Variants in RIT2 observed in about 807,000 individuals in gnomAD.
RIT2 encodes the protein GTP-binding protein Rit2.
In RIT2, 24 loss-of-function variants were observed where a neutral mutation model predicts 23.7. The ratio of observed to expected loss-of-function variants is 1.01; its 90% CI spans 0.73 to 1.43. The LOEUF (loss-of-function observed/expected upper bound fraction) is 1.43. Among genes scored for constraint, RIT2 ranks in the 40% most tolerant of loss-of-function variants. RIT2 has a pLI of 0.00. For synonymous variants in RIT2, 107 were observed against 91.1 expected, an observed-to-expected ratio of 1.17 and a Z score of -0.99; for missense variants, 236 against 266.9, an observed-to-expected ratio of 0.88 and a Z score of 0.81.
chr18:42,816,298 T>C (rs1166621685), intron 4 of RIT2, among the ~76,000 whole-genome samples: 5 of 152,154 alleles, frequency 3.3e-5, no homozygotes, highest in Admixed American at 2.6e-4. Context: ...CAGAAGCCAG[T>C]GGGAGCCAAC....
chr18:43,097,309 T>C (rs1913577046), intron 1 of RIT2, among the ~76,000 whole-genome samples: 2 of 151,894 alleles, frequency 1.3e-5, no homozygotes, highest in Non-Finnish European at 1.5e-5. Flanking sequence ...CATATAAAAC[T>C]TAACTTATAG....
chr18:43,061,766 C>T (rs557917106), intron 1 of RIT2, among the ~76,000 whole-genome samples: 2 of 152,224 alleles, frequency 1.3e-5, no homozygotes, highest in Admixed American at 1.3e-4. Context: ...TTCCCTCTCC[C>T]TGCTGAGAGC....
chr18:42,928,371 T>C (rs1332363286), intron 3 of RIT2, among the ~76,000 whole-genome samples: 1 of 152,060 alleles, frequency 6.6e-6, no homozygotes, highest in Non-Finnish European at 1.5e-5. Context: ...GGGAAAAGGA[T>C]GTGATGTTCT....
At chr18:42,748,507 C>T (rs1912971781) in intron 4 of RIT2, among the ~76,000 whole-genome samples, 1 of 151,850 alleles carries the variant, frequency 6.6e-6, no homozygotes, top group Admixed American at 6.6e-5. Flanking sequence ...TAAACTAGTA[C>T]AAACACTATG....
intron 4 of RIT2, among the ~76,000 whole-genome samples, chr18:42,774,592 T>C (rs1048370995): frequency 6.6e-6 from 1 of 151,734 alleles, no homozygotes; most frequent in African/African-American, 2.4e-5. Flanking sequence ...ATATTTTTTT[T>C]GAACATTATC....
intron 4 of RIT2, among the ~76,000 whole-genome samples, chr18:42,851,829 ACT>A (rs1854699648): frequency 6.6e-6 from 1 of 151,910 alleles, no homozygotes. Context: ...ACAGACCAAG[ACT>A]CTGTCTCATA....
intron 4 of RIT2, among the ~76,000 whole-genome samples, chr18:42,820,667 C>T (rs1598667755): frequency 6.6e-6 from 1 of 152,172 alleles, no homozygotes; most frequent in African/African-American, 2.4e-5. Flanking sequence ...GACTTCTTGC[C>T]AGATTCTGCT....
At chr18:42,828,321 T>C (rs1906361715) in intron 4 of RIT2, among the ~76,000 whole-genome samples, 1 of 152,210 alleles carries the variant, frequency 6.6e-6, no homozygotes, top group Non-Finnish European at 1.5e-5. Flanking sequence ...AACCTCATAG[T>C]TGAGTAACAA....
intron 3 of RIT2, among the ~76,000 whole-genome samples, chr18:42,939,686 A>G (rs553486373): frequency 6.6e-6 from 1 of 152,280 alleles, no homozygotes; most frequent in South Asian, 2.1e-4. Flanking sequence ...CAAAGAAAAA[A>G]AAATGCTACT....
chr18:43,056,355 C>CA (rs912491032), intron 1 of RIT2, among the ~76,000 whole-genome samples: 91 of 151,524 alleles, frequency 6.0e-4, no homozygotes, highest in Middle Eastern at 3.4e-3. Context: ...CACACTGAAT[C>CA]AAAAAAAACG....
At chr18:42,934,640 G>T (rs1251219455) in intron 3 of RIT2, among the ~76,000 whole-genome samples, 1 of 152,122 alleles carries the variant, frequency 6.6e-6, no homozygotes, top group Admixed American at 6.5e-5. Context: ...ATACAGCATG[G>T]ATATTAACAT....
rs115977089 is a variant in RIT2, at chr18:43,019,717, C to A, written c.160+14094G>T. On this transcript the variant is annotated intron_variant, in intron 2 of 4. Transcript: ENST00000326695. ...TCAGGCAAGAGAACAATATGAAAGA[C>A]AACAAATTGAAAATCAGTAAGTCGA... 4.3e-3 allele frequency among the ~76,000 whole-genome samples: 661 copies of A among 151,986 alleles called. 4 individuals are homozygous for A. Among genetic ancestry groups the A allele is most frequent in the African/African-American group, 0.014 (573 of 41,476 alleles).
At chr18:42,930,921 G>T (rs1330964560) in intron 3 of RIT2, among the ~76,000 whole-genome samples, 2 of 152,082 alleles carry the variant, frequency 1.3e-5, no homozygotes, top group Non-Finnish European at 2.9e-5. Context: ...TCCGTTTGAA[G>T]TATTTTATCT....
rs138777892 is a variant in RIT2, at chr18:43,017,783, G to A, written c.160+16028C>T. ...AGTTCAGTAAATCATATGTAGAAAT[G>A]TAGTTATCTTCCCAGCATCACACAG... is the stretch of plus-strand genomic sequence containing the variant. On this transcript the variant is annotated intron_variant, in intron 2 of 4. Coordinates refer to ENST00000326695, the MANE Select transcript of RIT2 (RefSeq NM_002930.4). 8.5e-5 allele frequency among the ~76,000 whole-genome samples: 13 copies of A among 152,118 alleles called. No homozygotes were observed. The East Asian group carries it at 2.5e-3, about 30-fold the overall frequency.
At chr18:42,773,347 C>A (rs753717261) in intron 4 of RIT2, among the ~76,000 whole-genome samples, 2 of 152,012 alleles carry the variant, frequency 1.3e-5, no homozygotes, top group Non-Finnish European at 2.9e-5. Flanking sequence ...AGAGTGATAG[C>A]ATTAAGAAAC....
chr18:42,998,882 A>G (rs1911044639), intron 2 of RIT2, among the ~76,000 whole-genome samples: 1 of 152,100 alleles, frequency 6.6e-6, no homozygotes, highest in African/African-American at 2.4e-5. Flanking sequence ...TTTATAGGAC[A>G]TTTACAAGGT....
intron 1 of RIT2, among the ~76,000 whole-genome samples, chr18:43,071,108 T>C (rs1005966711): frequency 1.3e-5 from 2 of 152,214 alleles, no homozygotes; most frequent in Non-Finnish European, 2.9e-5. Flanking sequence ...GTGATATAAA[T>C]CTTGCAGACT....
intron 4 of RIT2, among the ~76,000 whole-genome samples, chr18:42,754,397 C>G (rs1271459419): frequency 1.3e-5 from 2 of 151,852 alleles, no homozygotes; most frequent in Non-Finnish European, 2.9e-5. Flanking sequence ...GTGTAGGTCT[C>G]TTTAGAACGT....
chr18:42,940,989 G>GGAATCAAACAGAAAACA lies in RIT2; in HGVS notation c.235-17227_235-17226insTGTTTTCTGTTTGATTC, dbSNP rs1379304100. Among the ~76,000 whole-genome samples the GGAATCAAACAGAAAACA allele has an allele frequency of 3.3e-5, 5 of 152,086 alleles. No individual in the cohort carries two copies. In the South Asian group the frequency reaches 1.0e-3, roughly 32 times the overall value. On this transcript the variant is annotated intron_variant, in intron 3 of 4. Transcript: ENST00000326695. ...CCCATTTATTCCTAGTTGATATCTT[G>GGAATCAAACAGAAAACA]GAAAATTGTGTTTATTCTGTCAGGC... is the stretch of plus-strand genomic sequence containing the variant.
Sources: allele counts gnomAD v4.1 joint callset (sites outside exome capture counted in the v4.1 genomes callset), GRCh38; gene constraint gnomAD v4.1.1; transcripts MANE v1.5; gene names NCBI Gene and HGNC (gene_info 2026-07-23, HGNC 2026-07-21).